The following BSG variants were observed in gnomAD, a reference collection of about 807,000 sequenced individuals.
BSG encodes the protein basigin (Ok blood group).
A neutral mutation model predicts 43.1 loss-of-function variants in BSG; 37 were observed. The ratio of observed to expected loss-of-function variants is 0.86; its 90% CI spans 0.66 to 1.13. The LOEUF is 1.13. Among genes scored for constraint, BSG ranks in the 50% most tolerant of loss-of-function variants. The probability of loss-of-function intolerance (pLI) is 0.00; values close to 1 mark genes in which losing one functional copy is unlikely to be tolerated. For synonymous variants in BSG, 309 were observed against 238.7 expected (o/e 1.29, Z -2.72); for missense variants, 599 against 554.2 (o/e 1.08, Z -0.81).
At chr19:576,219 G>A (rs1449719552) in intron 1 of BSG, among the ~76,000 whole-genome samples, 5 of 152,338 alleles carry the variant, frequency 3.3e-5, no homozygotes, top group African/African-American at 7.2e-5. Context: ...GTGGGGTGAG[G>A]TGAGTCAGGG....
intron 1 of BSG, chr19:574,987 G>T (rs944894461): frequency 6.6e-6 from 1 of 152,296 alleles, no homozygotes; most frequent in African/African-American, 2.4e-5. Flanking sequence ...ACAGCCAAGT[G>T]GGTGAAAGAC....
At chr19:581,688 T>C in intron 6 of BSG, 97 bp downstream of exon 6, 7 of 1,425,446 alleles carry the variant, frequency 4.9e-6, no homozygotes, top group Non-Finnish European at 6.5e-6. Context: ...GACCCAGAGC[T>C]TGGAACTGAG....
At chr19:576,748 C>CG (rs1225850527) in intron 1 of BSG, among the ~76,000 whole-genome samples, 3 of 122,284 alleles carry the variant, frequency 2.5e-5, no homozygotes, top group African/African-American at 9.5e-5. Flanking sequence ...GACTCTGTCT[C>CG]AAAAAAAAAA....
chr19:580,601 G>T (rs1982203674), intron 4 of BSG, 45 bp from the exon 5 acceptor site: 1 of 1,611,092 alleles, frequency 6.2e-7, no homozygotes, highest in Non-Finnish European at 8.5e-7. Flanking sequence ...CGGGGATGGG[G>T]GCGGGCCTGC....
At position 577,815 on chromosome 19, in the gene BSG, G is replaced by A; in HGVS notation, c.109G>A (p.Gly37Arg). Reference protein sequence around the residue: ...QAPLSQQRWVGGSVELHCEAV... With the variant: ...QAPLSQQRWVRGSVELHCEAV... ...GCCGCTGTCCCAGCAGAGGTGGGTG[G>A]GGGGCAGTGTGGAGCTGCACTGCGA... The change falls in exon 2 of 9, where the codon GGG becomes AGG. Residue 37 changes from glycine to arginine, a missense_variant. Gly to Arg is a moderately radical substitution (Grantham distance 125). Coordinates refer to ENST00000333511, the MANE Select transcript of BSG (RefSeq NM_001728.4). 5 of 1,465,788 alleles carry A rather than the reference G, an allele frequency of 3.4e-6. No individual in the cohort carries two copies. Among genetic ancestry groups the A allele is most frequent in the Non-Finnish European group, 3.6e-6 (4 of 1,100,938 alleles). 90.8% of individuals were successfully genotyped at this position (1,465,788 alleles called of 1,614,324 possible).
intron 1 of BSG, among the ~76,000 whole-genome samples, chr19:575,698 G>T (rs780306750): frequency 4.4e-5 from 5 of 113,204 alleles, no homozygotes; most frequent in Non-Finnish European, 9.1e-5. Flanking sequence ...CCTGAGCCCT[G>T]GGCAAGGAGG....
Position 581,609 on chromosome 19 carries a change from C to CTGCCCACA in BSG, c.1069+24_1069+31dup. On this transcript the variant is annotated intron_variant, in intron 6 of 8. Transcript: ENST00000333511. ...CCTGGATGGTGAGCCGTCTGCCCTCCTGCCCACATGCCCTGCTCTCGGGGT... is the reference window on the plus strand; with the variant it reads ...CCTGGATGGTGAGCCGTCTGCCCTCCTGCCCACATGCCCACATGCCCTGCTCTCGGGGT... 6.4e-7 allele frequency: 1 copy of CTGCCCACA among 1,570,258 alleles called. No homozygotes were observed. Among genetic ancestry groups the CTGCCCACA allele is most frequent in the Admixed American group, 1.8e-5 (1 of 55,682 alleles).
At chr19:572,306 C>T (rs578112675), upstream of BSG, 90 of 867,982 alleles carry the variant, frequency 1.0e-4, 1 homozygote, top group African/African-American at 1.6e-3. Flanking sequence ...GCGCACCGCT[C>T]TGCGCTCATT....
chr19:578,045 C>A lies in BSG; in HGVS notation c.339C>A (p.Asp113Glu). 1 of 1,611,334 alleles carries A rather than the reference C, an allele frequency of 6.2e-7. No individual in the cohort carries two copies. The highest frequency in any genetic ancestry group is 8.5e-7 in the Non-Finnish European group (1 of 1,179,286). The change falls in exon 2 of 9, where the codon GAC (aspartate) becomes GAA (glutamate). Residue 113 changes from aspartate (D) to glutamate (E), a missense_variant. Physicochemically the swap from Asp to Glu is conservative, Grantham distance 45. Coordinates refer to ENST00000333511, the MANE Select transcript of BSG (RefSeq NM_001728.4). ...TGTYECRASN[D>E]PDRNHLTRAP... ...CTTACGAGTGCCGGGCCAGCAACGA[C>A]CCGGATCGCAACCACCTGACCCGGG...
rs771729353 is a variant in BSG, at chr19:577,979, C to T, written c.273C>T (p.Ser91=). 63 of 1,612,090 alleles carry T rather than the reference C, an allele frequency of 3.9e-5. No individual in the cohort carries two copies. The highest frequency in any genetic ancestry group is 8.8e-5 in the South Asian group (8 of 90,970). Residue 91 remains serine, a synonymous_variant, in exon 2 of 9, where the codon AGC becomes AGT. Transcript: ENST00000333511. ...IHATYHQHAA[S]TISIDTLVEE... ...CCACCTACCACCAGCACGCGGCCAG[C>T]ACCATCTCCATCGACACGCTCGTGG...
intron 1 of BSG, 66 bp downstream of exon 1, chr19:572,767 A>G: frequency 1.5e-6 from 2 of 1,331,144 alleles, no homozygotes; most frequent in Non-Finnish European, 9.7e-7. Context: ...CGCGGTGCCG[A>G]CCCGAAGCCG....
chr19:571,410 C>T, upstream of BSG: 1 of 683,448 alleles, frequency 1.5e-6, no homozygotes, highest in Non-Finnish European at 2.6e-6. Flanking sequence ...ACGCCCCCAC[C>T]TGTGTCGCCC....
chr19:571,624 T>C (rs1348152644), upstream of BSG: 7 of 779,096 alleles, frequency 9.0e-6, no homozygotes, highest in Non-Finnish European at 1.4e-5. Context: ...CCAAATGGGA[T>C]ATTTGGGGGC....
chr19:572,734 C>T (rs755154547), intron 1 of BSG, 33 bp downstream of exon 1: 41 of 1,434,148 alleles, frequency 2.9e-5, no homozygotes, highest in Admixed American at 5.5e-5. Flanking sequence ...GGGTGCGGTC[C>T]TGCAGGGGCC....
upstream of BSG, chr19:571,717 T>C (rs1003779717): frequency 1.1e-4 from 79 of 695,660 alleles, no homozygotes; most frequent in Admixed American, 4.5e-4. Context: ...GGGGGCTGCC[T>C]GCGTGGGATG....
rs11473 is a variant in BSG, at chr19:582,982, C to T, written c.*238C>T. Reference sequence around the variant, plus strand: ...CCCGGGAGCTGCTGCCCTGCGGCCCCGTCTGTGGCTTTCAGCCTCTGGGTC... The same window carrying T: ...CCCGGGAGCTGCTGCCCTGCGGCCCTGTCTGTGGCTTTCAGCCTCTGGGTC... On this transcript the variant is annotated 3_prime_UTR_variant, in exon 9 of 9. Transcript: ENST00000333511. 0.021 allele frequency: 4,425 copies of T among 212,370 alleles called. 203 individuals carry two copies. The highest frequency in any genetic ancestry group is 0.096 in the African/African-American group (4,115 of 42,754). The allele number at this position is 212,370 out of a possible 1,614,324, so 13.2% of individuals were successfully genotyped here.
intron 1 of BSG, among the ~76,000 whole-genome samples, chr19:577,335 C>T (rs1224804894): frequency 6.6e-6 from 1 of 152,158 alleles, no homozygotes; most frequent in Non-Finnish European, 1.5e-5. Flanking sequence ...CTAGGGGCTT[C>T]TGGACAGAGG....
intron 3 of BSG, chr19:580,043 A>G (rs1982145844): frequency 2.5e-6 from 1 of 406,914 alleles, no homozygotes; most frequent in Admixed American, 4.2e-5. Context: ...CTTTGTCATA[A>G]CTGGGGCTGG....
upstream of BSG, chr19:571,375 A>C: frequency 1.6e-6 from 1 of 613,190 alleles, no homozygotes; most frequent in South Asian, 1.9e-5. Context: ...TTTAACTTCC[A>C]ACACACACTT....
Sources: allele counts gnomAD v4.1 joint callset (sites outside exome capture counted in the v4.1 genomes callset), GRCh38; gene constraint gnomAD v4.1.1; transcripts MANE v1.5; gene names NCBI Gene and HGNC (gene_info 2026-07-23, HGNC 2026-07-21).